TNK2: variants seen among roughly 807,000 people sequenced by gnomAD.
The protein encoded by TNK2 is activated CDC42 kinase 1.
A neutral mutation model predicts 101.8 loss-of-function variants in TNK2; 83 were observed. The observed-to-expected ratio is 0.82, with a 90% CI of 0.68 to 0.98. TNK2 has a LOEUF of 0.98. TNK2 is among the 50% of genes least tolerant of loss of function. TNK2 has a pLI of 0.00. For missense variants in TNK2, 1,665 were observed against 1,483.2 expected, an observed-to-expected ratio of 1.12 and a Z score of -2.01; for synonymous variants, 804 against 633.0, an observed-to-expected ratio of 1.27 and a Z score of -4.06.
At position 195,867,821 on chromosome 3, in the gene TNK2, G is replaced by A. The variant is rs1647894444; in HGVS notation, c.2477C>T (p.Pro826Leu). The change falls in exon 13 of 16, where the codon CCT becomes CTT. Residue 826 changes from proline (P) to leucine (L), a missense_variant. Physicochemically the swap from Pro to Leu is moderately conservative, Grantham distance 98 (BLOSUM62 -3). Coordinates refer to ENST00000672887, the MANE Select transcript of TNK2 (RefSeq NM_001382273.1). ...CTGGGTGGTGGGCATGGTCTTCCCA[G>A]GTGAGCTTGAGAGCCGGGGTGGCAG... is the stretch of plus-strand genomic sequence containing the variant. Reference protein sequence around the residue: ...SPLPPRLSSSPGKTMPTTQSF... With the variant: ...SPLPPRLSSSLGKTMPTTQSF... 2 of 1,547,000 alleles carry A rather than the reference G, an allele frequency of 1.3e-6. No homozygotes were observed. The highest frequency in any genetic ancestry group is 1.7e-6 in the Non-Finnish European group (2 of 1,151,182).
intron 9 of TNK2, among the ~76,000 whole-genome samples, chr3:195,875,468 T>TC (rs1401046863): frequency 8.3e-6 from 1 of 121,212 alleles, no homozygotes; most frequent in Admixed American, 8.3e-5. Flanking sequence ...CACAGGAAGC[T>TC]CCCCCTCGGG....
At chr3:195,874,365 C>G (rs1216647414) in intron 9 of TNK2, among the ~76,000 whole-genome samples, 1 of 152,236 alleles carries the variant, frequency 6.6e-6, no homozygotes, top group African/African-American at 2.4e-5. Context: ...AAGCCCACCT[C>G]CCTTAGTGCA....
At chr3:195,892,941 G>C (rs1042196185) in intron 1 of TNK2, among the ~76,000 whole-genome samples, 1 of 151,904 alleles carries the variant, frequency 6.6e-6, no homozygotes, top group Non-Finnish European at 1.5e-5. Context: ...CCAGCCACCC[G>C]CGCTGGCCCC....
chr3:195,896,202 G>C (rs940802928), intron 1 of TNK2: 4 of 428,502 alleles, frequency 9.3e-6, no homozygotes, highest in East Asian at 8.7e-5. Flanking sequence ...CCTCTCCCCC[G>C]GGGCCCCAAG....
chr3:195,906,508 G>A (rs1392350018), intron 1 of TNK2, among the ~76,000 whole-genome samples: 2 of 152,042 alleles, frequency 1.3e-5, no homozygotes, highest in East Asian at 1.9e-4. Flanking sequence ...TGAAAGACGC[G>A]ATTCCGTTTA....
intron 11 of TNK2, chr3:195,869,844 A>C: frequency 1.8e-6 from 1 of 556,842 alleles, no homozygotes; most frequent in Non-Finnish European, 3.2e-6. Flanking sequence ...GAAAGCCAGG[A>C]TCTGAGCTCG....
At chr3:195,891,406 CAAAAT>C (rs1204754796) in intron 1 of TNK2, among the ~76,000 whole-genome samples, 2 of 152,260 alleles carry the variant, frequency 1.3e-5, no homozygotes, top group East Asian at 3.8e-4. Flanking sequence ...AACTCCATCT[CAAAAT>C]AAAATAAAAT....
At chr3:195,868,881 CCA>C in intron 12 of TNK2, 172 bp from the exon 13 acceptor site, 1 of 716,302 alleles carries the variant, frequency 1.4e-6, no homozygotes, top group Non-Finnish European at 2.2e-6. Context: ...GCACCTCCGA[CCA>C]CTCCATCAGG....
At chr3:195,869,385 A>AGCCCCC in intron 12 of TNK2, 112 bp downstream of exon 12, 2 of 893,002 alleles carry the variant, frequency 2.2e-6, no homozygotes, top group Non-Finnish European at 3.5e-6. Context: ...CACAGCACAC[A>AGCCCCC]CCCACCCACC....
intron 9 of TNK2, among the ~76,000 whole-genome samples, chr3:195,876,999 C>A (rs1238146869): frequency 2.0e-5 from 3 of 152,196 alleles, no homozygotes; most frequent in Non-Finnish European, 4.4e-5. Context: ...CCACGGCTTT[C>A]CAGCTCGTGG....
At chr3:195,892,220 G>A (rs1392592107) in intron 1 of TNK2, among the ~76,000 whole-genome samples, 1 of 152,208 alleles carries the variant, frequency 6.6e-6, no homozygotes, top group South Asian at 2.1e-4. Flanking sequence ...TGTGGCCGGC[G>A]TGCAAACACA....
intron 1 of TNK2, among the ~76,000 whole-genome samples, chr3:195,904,711 A>C: frequency 6.6e-6 from 1 of 152,246 alleles, no homozygotes. Flanking sequence ...GTTTTTAAAA[A>C]TAAAAAACCA....
At chr3:195,904,628 G>A (rs1367891427) in intron 1 of TNK2, among the ~76,000 whole-genome samples, 1 of 152,166 alleles carries the variant, frequency 6.6e-6, no homozygotes, top group Non-Finnish European at 1.5e-5. Context: ...CTGTGCAACA[G>A]TATGAATGTA....
intron 15 of TNK2, among the ~76,000 whole-genome samples, chr3:195,865,466 C>T (rs998831591): frequency 2.4e-5 from 3 of 126,286 alleles, no homozygotes; most frequent in Non-Finnish European, 3.3e-5. Context: ...CAGGTGACAC[C>T]GAGTGCCTGC....
At chr3:195,873,154 C>T (rs73087325) in intron 9 of TNK2, among the ~76,000 whole-genome samples, 13,729 of 152,260 alleles carry the variant, frequency 0.09, 1,401 homozygotes, top group African/African-American at 0.25. Context: ...AGGGGCTCTA[C>T]CTGTGTCCAA....
chr3:195,882,350 G>A lies in TNK2; in HGVS notation c.610-22C>T, dbSNP rs1165957411. ...TCACCTGAGGCCACGGAGGAGGCAG[G>A]AGGAATGAGCTGGAGGACCCTGCCC... On this transcript the variant is annotated intron_variant, in intron 5 of 15. Transcript: ENST00000672887. This position sits in a 1 kb window ranked among gnomAD's most constrained non-coding sequence, Gnocchi z 4.2. 1.9e-6 allele frequency: 3 copies of A among 1,607,618 alleles called. No homozygotes were observed. The highest frequency in any genetic ancestry group is 2.6e-6 in the Non-Finnish European group (3 of 1,175,356).
In TNK2 at chr3:195,885,650, T is replaced by G; in HGVS notation, c.235-617A>C. 8.2e-7 allele frequency: 1 copy of G among 1,218,522 alleles called. No homozygotes were observed. Among genetic ancestry groups the G allele is most frequent in the Non-Finnish European group, 1.1e-6 (1 of 925,000 alleles). The allele number at this position is 1,218,522 out of a possible 1,614,324, so 75.5% of individuals were successfully genotyped here. ...GAAGGGGCCTGGGAAGACAGCTGGG[T>G]CTCTGGAGGGGCGCCTAGAGCTGAG... On this transcript the variant is annotated intron_variant, in intron 3 of 15. Coordinates refer to ENST00000672887, the MANE Select transcript of TNK2 (RefSeq NM_001382273.1). The surrounding 1 kb of genome is among the most constrained non-coding windows in gnomAD (Gnocchi z 4.7).
At chr3:195,903,718 A>C (rs1311791448) in intron 1 of TNK2, among the ~76,000 whole-genome samples, 1 of 152,088 alleles carries the variant, frequency 6.6e-6, no homozygotes, top group African/African-American at 2.4e-5. Flanking sequence ...ACTCCATCTC[A>C]AAAAAACAAT....
chr3:195,898,338 T>C (rs1340601017), intron 1 of TNK2, among the ~76,000 whole-genome samples: 3 of 152,158 alleles, frequency 2.0e-5, no homozygotes, highest in South Asian at 4.1e-4. Context: ...TGGGCAACTT[T>C]TGAGCAAACA....
Sources: gnomAD v4.1 joint callset for allele counts (sites outside exome capture counted in the v4.1 genomes callset) on GRCh38, gnomAD v4.1.1 for gene constraint, Gnocchi (gnomAD v3.1) non-coding constraint, MANE v1.5 for transcripts, NCBI Gene and HGNC (gene_info 2026-07-23, HGNC 2026-07-21) for gene names.